The following TOX variants were observed in gnomAD, a reference collection of about 807,000 sequenced individuals.
TOX encodes thymocyte selection associated high mobility group box.
A neutral mutation model predicts 53.7 loss-of-function variants in TOX; 11 were observed. That is an observed-to-expected ratio of 0.20 (90% confidence interval 0.13 to 0.34). The LOEUF (loss-of-function observed/expected upper bound fraction) is 0.34, where lower values mean the gene tolerates loss of function less well. TOX is among the 10% of genes least tolerant of loss of function. The pLI, the probability that TOX is intolerant of heterozygous loss-of-function variation, is 1.00. For missense variants in TOX, 570 were observed against 664.6 expected, an observed-to-expected ratio of 0.86 and a Z score of 1.56; for synonymous variants, 225 against 245.3, an observed-to-expected ratio of 0.92 and a Z score of 0.77.
intron 1 of TOX, among the ~76,000 whole-genome samples, chr8:59,075,591 T>G (rs1054805292): frequency 6.6e-5 from 10 of 152,174 alleles, no homozygotes; most frequent in Admixed American, 6.5e-4. Flanking sequence ...TGCCAATCTG[T>G]CTTTTCTTAT....
intron 2 of TOX, among the ~76,000 whole-genome samples, chr8:58,955,282 T>A (rs929602308): frequency 2.0e-5 from 3 of 152,194 alleles, no homozygotes; most frequent in African/African-American, 7.2e-5. Context: ...GGCCAGGATA[T>A]TTAATATTTA....
chr8:59,000,677 T>C (rs1383659436), intron 1 of TOX, among the ~76,000 whole-genome samples: 1 of 152,200 alleles, frequency 6.6e-6, no homozygotes, highest in African/African-American at 2.4e-5. Context: ...AGTGCTGCCA[T>C]GAATCTTTTA....
intron 1 of TOX, among the ~76,000 whole-genome samples, chr8:59,026,379 G>T (rs1304635108): frequency 6.6e-6 from 1 of 151,656 alleles, no homozygotes; most frequent in Admixed American, 6.5e-5. Context: ...AATGGAACTT[G>T]GTGGGCCATG....
rs1247146665 is a variant in TOX, at chr8:58,847,209, A to G, written c.693+4315T>C. Among the ~76,000 whole-genome samples the G allele has an allele frequency of 2.6e-5, 4 of 152,266 alleles. No individual in the cohort carries two copies. In the South Asian group the frequency reaches 8.3e-4, roughly 32 times the overall value. On this transcript the variant is annotated intron_variant, in intron 4 of 8. Transcript: ENST00000361421. ...AAAGTACAAAAAGCAAAATGAAACA[A>G]GCTATTAAAACCAACATATTCTGAC...
chr8:58,899,979 T>A (rs75735220), intron 3 of TOX, among the ~76,000 whole-genome samples: 3 of 152,032 alleles, frequency 2.0e-5, no homozygotes, highest in South Asian at 2.1e-4. Flanking sequence ...TTTTTTTTTT[T>A]AGTTGGACTC....
chr8:59,070,544 CACACAG>C (rs1804178433), intron 1 of TOX, among the ~76,000 whole-genome samples: 1 of 150,138 alleles, frequency 6.7e-6, no homozygotes, highest in African/African-American at 2.5e-5. Context: ...CACACACACA[CACACAG>C]GGAGACCTAA....
rs547721163 is a variant in TOX, at chr8:59,050,893, C to T, written c.102+67993G>A. Among the ~76,000 whole-genome samples the T allele has an allele frequency of 5.3e-5, 8 of 152,232 alleles. No homozygotes were observed. In the South Asian group the frequency reaches 1.7e-3, roughly 32 times the overall value. On this transcript the variant is annotated intron_variant, in intron 1 of 8. Transcript: ENST00000361421. ...ATCTCTGCAGTAATCCTGATAAAGT[C>T]ATTAAATCATTCTTTGCTTTGAAGA...
chr8:58,887,565 T>C (rs917739369), intron 3 of TOX, among the ~76,000 whole-genome samples: 7 of 152,000 alleles, frequency 4.6e-5, no homozygotes, highest in African/African-American at 1.4e-4. Flanking sequence ...TAGTCTCTTA[T>C]GAGTCCATTA....
intron 3 of TOX, among the ~76,000 whole-genome samples, chr8:58,910,445 T>C (rs1350720351): frequency 1.3e-5 from 2 of 152,204 alleles, no homozygotes; most frequent in African/African-American, 4.8e-5. Context: ...AGTGGGTAGA[T>C]GGTTAATGGA....
At chr8:59,083,812 T>A (rs774981297) in intron 1 of TOX, among the ~76,000 whole-genome samples, 9 of 152,178 alleles carry the variant, frequency 5.9e-5, no homozygotes, top group Non-Finnish European at 8.8e-5. Flanking sequence ...CTGTAGAAAT[T>A]TCCTTTCACA....
intron 3 of TOX, among the ~76,000 whole-genome samples, chr8:58,910,289 TGGATTTTCC>T (rs1299982761): frequency 6.6e-6 from 1 of 152,228 alleles, no homozygotes; most frequent in Non-Finnish European, 1.5e-5. Context: ...CCAACTACTT[TGGATTTTCC>T]GCATTTTTTT....
At chr8:59,017,752 A>G (rs1048476799) in intron 1 of TOX, among the ~76,000 whole-genome samples, 1 of 152,206 alleles carries the variant, frequency 6.6e-6, no homozygotes, top group African/African-American at 2.4e-5. Flanking sequence ...ACAAACTCGG[A>G]ACAGGTGTCT....
chr8:59,011,127 A>G (rs1226397854), intron 1 of TOX, among the ~76,000 whole-genome samples: 1 of 152,240 alleles, frequency 6.6e-6, no homozygotes, highest in Non-Finnish European at 1.5e-5. Context: ...ACATGTCGGA[A>G]ATGACAATTA....
At chr8:58,902,347 C>T (rs1315649040) in intron 3 of TOX, among the ~76,000 whole-genome samples, 1 of 152,104 alleles carries the variant, frequency 6.6e-6, no homozygotes, top group Non-Finnish European at 1.5e-5. Flanking sequence ...CAATTCAATC[C>T]ATCATCTGCA....
intron 3 of TOX, among the ~76,000 whole-genome samples, chr8:58,925,557 G>A (rs1429025570): frequency 2.0e-5 from 3 of 152,150 alleles, no homozygotes; most frequent in Non-Finnish European, 1.5e-5. Flanking sequence ...GAAAGTATAC[G>A]ATAACAACCT....
rs115012139 is a variant in TOX, at chr8:58,954,944, T to C, written c.168+4999A>G. Among the ~76,000 whole-genome samples the C allele has an allele frequency of 5.5e-3, 841 of 152,236 alleles. 2 individuals are homozygous for C. Among genetic ancestry groups the C allele is most frequent in the African/African-American group, 0.018 (740 of 41,544 alleles). ...CAGGTGGGAGGTGATGAGTTGTGGT[T>C]TGATGAACTAATATGTTGAATTTGA... On this transcript the variant is annotated intron_variant, in intron 2 of 8. Coordinates refer to ENST00000361421, the MANE Select transcript of TOX (RefSeq NM_014729.3).
intron 1 of TOX, among the ~76,000 whole-genome samples, chr8:59,077,157 G>A (rs900650805): frequency 1.3e-5 from 2 of 152,214 alleles, no homozygotes; most frequent in African/African-American, 4.8e-5. Context: ...GAACATCTTT[G>A]AGGAAGTTCT....
chr8:59,082,016 T>C lies in TOX; in HGVS notation c.102+36870A>G, dbSNP rs193154627. 3.5e-4 allele frequency among the ~76,000 whole-genome samples: 53 copies of C among 152,306 alleles called. No homozygotes were observed. In the East Asian group the frequency reaches 0.01, roughly 29 times the overall value. On this transcript the variant is annotated intron_variant, in intron 1 of 8. Coordinates refer to ENST00000361421, the MANE Select transcript of TOX (RefSeq NM_014729.3). ...GTTGAATATTTGTCAACTAAAGCAG[T>C]GATTTATTTCATTCTATCTGAGAAC...
At chr8:58,812,657 G>A (rs1053718498) in intron 7 of TOX, among the ~76,000 whole-genome samples, 4 of 152,026 alleles carry the variant, frequency 2.6e-5, no homozygotes, top group South Asian at 4.2e-4. Flanking sequence ...GGGGACCTTC[G>A]TTATTTGTTT....
Sources: allele counts gnomAD v4.1 joint callset (sites outside exome capture counted in the v4.1 genomes callset), GRCh38; gene constraint gnomAD v4.1.1; transcripts MANE v1.5; gene names NCBI Gene and HGNC (gene_info 2026-07-23, HGNC 2026-07-21).